AOAH: variants seen among roughly 807,000 people sequenced by gnomAD.
The protein encoded by AOAH is acyloxyacyl hydrolase (neutrophil).
Under a neutral mutation model 92.2 loss-of-function variants are expected in AOAH, and 64 were observed. The ratio of observed to expected loss-of-function variants is 0.69; its 90% CI spans 0.57 to 0.86. The LOEUF (loss-of-function observed/expected upper bound fraction) is 0.86, where lower values mean the gene tolerates loss of function less well. Among genes scored for constraint, AOAH ranks in the 40% least tolerant of loss-of-function variants. AOAH has a pLI of 0.00. For missense variants in AOAH, 656 were observed against 694.6 expected (o/e 0.94, Z 0.62); for synonymous variants, 263 against 254.5 (o/e 1.03, Z -0.32).
chr7:36,625,476 G>T (rs1032138856), intron 6 of AOAH, among the ~76,000 whole-genome samples: 5 of 152,126 alleles, frequency 3.3e-5, no homozygotes, highest in Non-Finnish European at 5.9e-5. Context: ...CCCCAGTATT[G>T]GTCCTCACAA....
intron 12 of AOAH, among the ~76,000 whole-genome samples, chr7:36,583,006 A>G (rs1323311562): frequency 6.6e-6 from 1 of 152,100 alleles, no homozygotes; most frequent in Admixed American, 6.6e-5. Flanking sequence ...CACCATGCCC[A>G]GCTAATTTTT....
At chr7:36,674,088 T>C in intron 2 of AOAH, 79 bp from the exon 3 acceptor site, 1 of 808,282 alleles carries the variant, frequency 1.2e-6, no homozygotes, top group Non-Finnish European at 2.0e-6. Flanking sequence ...TTATCTTTGC[T>C]AGGAACTGAA....
intron 2 of AOAH, among the ~76,000 whole-genome samples, chr7:36,678,590 TGTGTGTGTGTGC>T (rs796342310): frequency 2.5e-4 from 23 of 93,442 alleles, no homozygotes; most frequent in East Asian, 6.2e-4. Context: ...TGTGTGTGTG[TGTGTGTGTGTGC>T]GCGCGCGCGC....
intron 1 of AOAH, among the ~76,000 whole-genome samples, chr7:36,692,839 G>C (rs910298012): frequency 4.6e-5 from 7 of 152,186 alleles, no homozygotes; most frequent in African/African-American, 1.7e-4. Flanking sequence ...AAACCCGTAA[G>C]TATTGTGATA....
chr7:36,537,104 C>A lies in AOAH; in HGVS notation c.1306+3215G>T, dbSNP rs530732051. Among the ~76,000 whole-genome samples, 45 of 152,186 alleles carry A rather than the reference C, an allele frequency of 3.0e-4. 1 individual carries two copies. The highest frequency in any genetic ancestry group is 8.7e-4 in the African/African-American group (36 of 41,512). ...ACTTCTCCAGCCTTTCTAGGAAAGA[C>A]CCTGATGCTTCGTTGAGAAATGTAT... is the stretch of plus-strand genomic sequence containing the variant. On this transcript the variant is annotated intron_variant, in intron 16 of 20. Transcript: ENST00000617537.
intron 3 of AOAH, among the ~76,000 whole-genome samples, chr7:36,668,755 G>C (rs7786050): frequency 0.58 from 88,879 of 152,110 alleles, 26,229 homozygotes; most frequent in South Asian, 0.66. Flanking sequence ...CCAAAGTGTT[G>C]GGATTACAGG....
At position 36,522,069 on chromosome 7, in the gene AOAH, G is replaced by C; in HGVS notation, c.1569C>G (p.Ile523Met). 1 of 1,614,202 alleles carries C rather than the reference G, an allele frequency of 6.2e-7. No individual in the cohort carries two copies. The highest frequency in any genetic ancestry group is 8.5e-7 in the Non-Finnish European group (1 of 1,180,024). The stretch of plus-strand genomic sequence containing the variant: ...TGGGGTGGAATCCATCCACGGGCTC[G>C]ATGAGCTGCCAGGGCTGTCCGCCTC... Reference protein sequence around the residue: ...QKRGGQPWQLIEPVDGFHPNE... With the variant: ...QKRGGQPWQLMEPVDGFHPNE... The change falls in exon 20 of 21, where the codon ATC becomes ATG. Residue 523 changes from isoleucine to methionine, a missense_variant. Physicochemically the swap from Ile to Met is conservative, Grantham distance 10 (BLOSUM62 1). Transcript: ENST00000617537.
At chr7:36,688,804 C>T (rs886824369) in intron 1 of AOAH, among the ~76,000 whole-genome samples, 2 of 151,706 alleles carry the variant, frequency 1.3e-5, no homozygotes, top group African/African-American at 4.9e-5. Context: ...TATATACACA[C>T]ACACACACAT....
Position 36,513,108 on chromosome 7 carries a change from T to A in AOAH, c.*144A>T. ...CACAGTCGTCCAGATATGCTCTTCA[T>A]TGAGAGAAAGACATTTTGCAAAGAT... is the stretch of plus-strand genomic sequence containing the variant. On this transcript the variant is annotated 3_prime_UTR_variant, in exon 21 of 21. Coordinates refer to ENST00000617537, the MANE Select transcript of AOAH (RefSeq NM_001637.4). 1.2e-6 allele frequency: 2 copies of A among 1,600,404 alleles called. No individual in the cohort carries two copies. The highest frequency in any genetic ancestry group is 1.1e-5 in the South Asian group (1 of 90,462).
At chr7:36,678,770 G>T (rs1796464294) in intron 2 of AOAH, among the ~76,000 whole-genome samples, 1 of 152,110 alleles carries the variant, frequency 6.6e-6, no homozygotes, top group Non-Finnish European at 1.5e-5. Context: ...TGCTCTCTGA[G>T]AGCTAAATTC....
At chr7:36,527,597 G>A (rs578106168) in intron 19 of AOAH, among the ~76,000 whole-genome samples, 4 of 152,078 alleles carry the variant, frequency 2.6e-5, no homozygotes, top group Admixed American at 2.0e-4. Context: ...TGGTGGCGGG[G>A]GACGGCCACT....
At chr7:36,560,251 T>A (rs1787161086) in intron 13 of AOAH, among the ~76,000 whole-genome samples, 1 of 152,228 alleles carries the variant, frequency 6.6e-6, no homozygotes, top group African/African-American at 2.4e-5. Context: ...TAGAATAGTT[T>A]TTTTATAATT....
intron 1 of AOAH, among the ~76,000 whole-genome samples, chr7:36,708,149 T>TCCCTTTGCTCTCC (rs2038884192): frequency 6.6e-6 from 1 of 151,440 alleles, no homozygotes. Flanking sequence ...TTTTTGCTCC[T>TCCCTTTGCTCTCC]CCTCTCCCGG....
At chr7:36,687,990 G>C (rs1797143390) in intron 1 of AOAH, among the ~76,000 whole-genome samples, 1 of 152,132 alleles carries the variant, frequency 6.6e-6, no homozygotes, top group Admixed American at 6.5e-5. Flanking sequence ...TCGATGTTCT[G>C]TCCCCTCTCT....
intron 15 of AOAH, among the ~76,000 whole-genome samples, chr7:36,542,745 AATAC>A (rs989756276): frequency 5.6e-4 from 85 of 152,352 alleles, no homozygotes; most frequent in African/African-American, 2.0e-3. Flanking sequence ...TAAAAGCCTA[AATAC>A]ATAAATTATG....
intron 1 of AOAH, among the ~76,000 whole-genome samples, chr7:36,706,686 C>G (rs1798435930): frequency 6.6e-6 from 1 of 152,208 alleles, no homozygotes; most frequent in Non-Finnish European, 1.5e-5. Context: ...GAACAGCCAC[C>G]TTCATCAATG....
At chr7:36,670,764 C>T (rs966254916) in intron 3 of AOAH, among the ~76,000 whole-genome samples, 5 of 152,186 alleles carry the variant, frequency 3.3e-5, no homozygotes, top group African/African-American at 9.7e-5. Flanking sequence ...CGTGAGCCAC[C>T]GCGCCCGGCC....
chr7:36,708,123 T>C (rs1430443581), intron 1 of AOAH, among the ~76,000 whole-genome samples: 1 of 145,060 alleles, frequency 6.9e-6, no homozygotes, highest in Non-Finnish European at 1.5e-5. Flanking sequence ...CTGTTAATCA[T>C]TACATTTTCA....
At chr7:36,616,620 G>A in intron 10 of AOAH, 146 bp from the exon 11 acceptor site, 1 of 660,642 alleles carries the variant, frequency 1.5e-6, no homozygotes, top group East Asian at 2.7e-5. Flanking sequence ...TCGCATGTTT[G>A]AGAGTGAGGG....
Sources: gnomAD v4.1 joint callset for allele counts (sites outside exome capture counted in the v4.1 genomes callset) on GRCh38, gnomAD v4.1.1 for gene constraint, MANE v1.5 for transcripts, NCBI Gene and HGNC (gene_info 2026-07-23, HGNC 2026-07-21) for gene names.